Variants in INPP4B observed in about 807,000 individuals in gnomAD.
The protein encoded by INPP4B is inositol polyphosphate-4-phosphatase type II B.
Under a neutral mutation model 122.5 loss-of-function variants are expected in INPP4B, and 55 were observed. That is an observed-to-expected ratio of 0.45 (90% CI 0.36 to 0.56). INPP4B has a LOEUF of 0.56. INPP4B is among the 20% of genes least tolerant of loss of function. The pLI, the probability that INPP4B is intolerant of heterozygous loss-of-function variation, is 0.00. For synonymous variants in INPP4B, 403 were observed against 388.7 expected (o/e 1.04, Z -0.43); for missense variants, 1,000 against 1,097.7 (o/e 0.91, Z 1.26).
intron 2 of INPP4B, among the ~76,000 whole-genome samples, chr4:142,610,415 C>T (rs1239727454): frequency 1.3e-5 from 2 of 152,028 alleles, no homozygotes; most frequent in African/African-American, 4.8e-5. Flanking sequence ...CCTCAAATAG[C>T]CATCTGAGGG....
chr4:142,330,239 T>C (rs1378951009), intron 7 of INPP4B, among the ~76,000 whole-genome samples: 1 of 152,212 alleles, frequency 6.6e-6, no homozygotes, highest in Non-Finnish European at 1.5e-5. Flanking sequence ...AGAGCCCCTT[T>C]AATTTTAAAA....
intron 15 of INPP4B, among the ~76,000 whole-genome samples, 170 bp from the exon 16 acceptor site, chr4:142,173,979 G>A (rs1451303144): frequency 3.3e-5 from 5 of 152,044 alleles, no homozygotes; most frequent in South Asian, 2.1e-4. Context: ...GTAAGGTGAC[G>A]AAAATGCTTT....
At chr4:142,654,158 G>C (rs1295006653) in intron 2 of INPP4B, among the ~76,000 whole-genome samples, 1 of 151,944 alleles carries the variant, frequency 6.6e-6, no homozygotes, top group African/African-American at 2.4e-5. Flanking sequence ...CTCACAGGTG[G>C]GAATTGAACA....
intron 11 of INPP4B, among the ~76,000 whole-genome samples, chr4:142,249,338 A>C (rs1730754834): frequency 1.3e-5 from 2 of 152,128 alleles, no homozygotes; most frequent in African/African-American, 2.4e-5. Flanking sequence ...CTATGGGCTG[A>C]AGTACTCTGT....
intron 2 of INPP4B, among the ~76,000 whole-genome samples, chr4:142,621,024 T>C (rs996760101): frequency 6.6e-6 from 1 of 151,954 alleles, no homozygotes; most frequent in African/African-American, 2.4e-5. Flanking sequence ...AAGGAGCTTT[T>C]TTTTTAAATC....
intron 8 of INPP4B, among the ~76,000 whole-genome samples, chr4:142,307,391 C>CA (rs1231134329): frequency 2.6e-5 from 4 of 152,038 alleles, no homozygotes; most frequent in Non-Finnish European, 5.9e-5. Context: ...TGCACCTCTC[C>CA]AAAAAATAAT....
intron 23 of INPP4B, among the ~76,000 whole-genome samples, chr4:142,097,519 A>C (rs1782494583): frequency 6.6e-6 from 1 of 151,822 alleles, no homozygotes; most frequent in Admixed American, 6.6e-5. Flanking sequence ...AGCCTCCCAA[A>C]ATTCTGGGAT....
At chr4:142,270,841 A>G in intron 9 of INPP4B, 67 bp from the exon 10 acceptor site, 1 of 1,047,608 alleles carries the variant, frequency 9.5e-7, no homozygotes, top group Admixed American at 1.8e-5. Flanking sequence ...TATCCAAAAC[A>G]CATTTGTTTC....
chr4:142,322,415 A>G (rs965707110), intron 7 of INPP4B, among the ~76,000 whole-genome samples: 4 of 152,210 alleles, frequency 2.6e-5, no homozygotes, highest in Non-Finnish European at 4.4e-5. Flanking sequence ...GTAGTGTTAC[A>G]AACTCACATG....
intron 15 of INPP4B, among the ~76,000 whole-genome samples, chr4:142,188,640 T>A (rs1292026259): frequency 2.7e-5 from 4 of 150,090 alleles, no homozygotes; most frequent in African/African-American, 9.8e-5. Context: ...GGGATCATGC[T>A]AGAAATAGAA....
At chr4:142,266,129 C>T (rs1046588626) in intron 10 of INPP4B, among the ~76,000 whole-genome samples, 8 of 152,158 alleles carry the variant, frequency 5.3e-5, no homozygotes, top group East Asian at 1.9e-4. Context: ...GTTTAGCTTC[C>T]GAATCCTCCT....
chr4:142,257,455 C>T (rs1256089544), intron 11 of INPP4B, among the ~76,000 whole-genome samples: 3 of 152,088 alleles, frequency 2.0e-5, no homozygotes, highest in African/African-American at 7.2e-5. Flanking sequence ...TCTAGAAAAC[C>T]CCATGGTCTC....
intron 2 of INPP4B, among the ~76,000 whole-genome samples, chr4:142,701,530 G>GAAAGA (rs1180053679): frequency 6.6e-6 from 1 of 151,484 alleles, no homozygotes; most frequent in African/African-American, 2.4e-5. Flanking sequence ...AGGTTTCATG[G>GAAAGA]AAAGAAAAAG....
At chr4:142,618,511 T>C (rs1744173154) in intron 2 of INPP4B, among the ~76,000 whole-genome samples, 1 of 152,052 alleles carries the variant, frequency 6.6e-6, no homozygotes, top group Non-Finnish European at 1.5e-5. Context: ...CAAACAGCAC[T>C]GGGGAAACTA....
chr4:142,214,921 T>C (rs575422218), intron 12 of INPP4B, among the ~76,000 whole-genome samples: 1 of 152,382 alleles, frequency 6.6e-6, no homozygotes, highest in East Asian at 1.9e-4. Context: ...ATATGTGTTA[T>C]ATTACTTATT....
At position 142,429,231 on chromosome 4, in the gene INPP4B, G is replaced by A. The variant is rs368241740; in HGVS notation, c.92-14C>T. 2.7e-4 allele frequency: 400 copies of A among 1,488,476 alleles called. 3 individuals are homozygous for A. In the African/African-American group the frequency reaches 3.7e-3, roughly 14 times the overall value. The allele number at this position is 1,488,476 out of a possible 1,614,324, so 92.2% of individuals were successfully genotyped here. A position where few individuals can be genotyped will look rare whatever the true frequency, so the allele number is the denominator to read the frequency against. On this transcript the variant is annotated splice_polypyrimidine_tract_variant and intron_variant, in intron 4 of 25. Coordinates refer to ENST00000262992, the MANE Select transcript of INPP4B (RefSeq NM_001101669.3). ...TCTTCTGGATACCTATAAATAATAG[G>A]AGCAAATTCAGATTTTTAAAAAATT...
chr4:142,630,570 C>A (rs929441312), intron 2 of INPP4B, among the ~76,000 whole-genome samples: 1 of 151,800 alleles, frequency 6.6e-6, no homozygotes, highest in Non-Finnish European at 1.5e-5. Context: ...AACTAGAAAT[C>A]TGGATAAAAT....
chr4:142,496,188 T>C (rs1226852944), intron 2 of INPP4B, among the ~76,000 whole-genome samples: 1 of 152,170 alleles, frequency 6.6e-6, no homozygotes, highest in African/African-American at 2.4e-5. Flanking sequence ...ACAAAGTATG[T>C]ATTTTTTTTC....
chr4:142,178,346 T>C (rs1829276675), intron 15 of INPP4B, among the ~76,000 whole-genome samples: 1 of 152,208 alleles, frequency 6.6e-6, no homozygotes, highest in South Asian at 2.1e-4. Context: ...CACAAACTGG[T>C]TTCCGTATCT....
Sources: gnomAD v4.1 joint callset for allele counts (sites outside exome capture counted in the v4.1 genomes callset) on GRCh38, gnomAD v4.1.1 for gene constraint, MANE v1.5 for transcripts, NCBI Gene and HGNC (gene_info 2026-07-23, HGNC 2026-07-21) for gene names.